Variants in PLPP4 observed in about 807,000 individuals in gnomAD.
The protein encoded by PLPP4 is phospholipid phosphatase 4, also known as diacylglycerol pyrophosphate like 2.
In PLPP4, 20 loss-of-function variants were observed where a neutral mutation model predicts 32.2. The observed-to-expected ratio is 0.62, with a 90% CI of 0.44 to 0.90. PLPP4 has a LOEUF of 0.90. Ranked by LOEUF, PLPP4 falls within the 40% of genes least tolerant of loss-of-function variation. The pLI, the probability that PLPP4 is intolerant of heterozygous loss-of-function variation, is 0.00. For synonymous variants in PLPP4, 127 were observed against 133.0 expected (o/e 0.95, Z 0.31); for missense variants, 257 against 353.1 (o/e 0.73, Z 2.18).
chr10:120,554,679 C>G (rs1848067637), intron 5 of PLPP4, among the ~76,000 whole-genome samples: 2 of 151,934 alleles, frequency 1.3e-5, no homozygotes, highest in Non-Finnish European at 2.9e-5. Context: ...GGGGAGGTCT[C>G]AGGAAACTTA....
intron 2 of PLPP4, among the ~76,000 whole-genome samples, chr10:120,512,093 CA>C (rs932984447): frequency 6.4e-5 from 9 of 140,152 alleles, no homozygotes; most frequent in East Asian, 6.2e-4. Context: ...GACTCCGTCT[CA>C]AAAAAAAAAC....
At chr10:120,551,822 T>G (rs1183389824) in intron 5 of PLPP4, among the ~76,000 whole-genome samples, 1 of 152,208 alleles carries the variant, frequency 6.6e-6, no homozygotes, top group Non-Finnish European at 1.5e-5. Context: ...TTATGCACCT[T>G]GGACACTCCT....
At position 120,589,870 on chromosome 10, in the gene PLPP4, C is replaced by T. The variant is rs976212298; in HGVS notation, c.*368C>T. ...GGAAGACTTGGTGTTGGCCACCCAG[C>T]GCAACAAGTCATTTGGAGATGCAGC... On this transcript the variant is annotated 3_prime_UTR_variant, in exon 7 of 7. Transcript: ENST00000398250. 3.1e-5 allele frequency: 6 copies of T among 191,386 alleles called. No individual in the cohort carries two copies. Among genetic ancestry groups the T allele is most frequent in the African/African-American group, 9.4e-5 (4 of 42,764 alleles). 11.9% of individuals were successfully genotyped at this position (191,386 alleles called of 1,614,324 possible).
At chr10:120,507,943 T>C (rs1428938594) in intron 2 of PLPP4, among the ~76,000 whole-genome samples, 1 of 152,204 alleles carries the variant, frequency 6.6e-6, no homozygotes. Context: ...CCTTGAGGAA[T>C]AGGTAAGACT....
chr10:120,512,614 G>A (rs1176423542), intron 2 of PLPP4, among the ~76,000 whole-genome samples: 4 of 152,056 alleles, frequency 2.6e-5, no homozygotes, highest in Non-Finnish European at 1.5e-5. Context: ...TATAAAAGAA[G>A]AGCTCTTGGC....
chr10:120,544,187 A>G (rs897209908), intron 5 of PLPP4, among the ~76,000 whole-genome samples: 1 of 152,212 alleles, frequency 6.6e-6, no homozygotes, highest in East Asian at 1.9e-4. Context: ...TTGAGGAACC[A>G]CTATACTGCT....
chr10:120,488,137 G>A (rs571499753), intron 1 of PLPP4, among the ~76,000 whole-genome samples: 193 of 152,294 alleles, frequency 1.3e-3, no homozygotes, highest in African/African-American at 4.5e-3. Flanking sequence ...AGGAGCTTGG[G>A]GAAAAGAATG....
intron 1 of PLPP4, among the ~76,000 whole-genome samples, chr10:120,500,707 C>A (rs539175702): frequency 6.6e-6 from 1 of 151,970 alleles, no homozygotes; most frequent in Admixed American, 6.6e-5. Context: ...GGTTCCAGAT[C>A]CTTTATTTTC....
intron 1 of PLPP4, among the ~76,000 whole-genome samples, chr10:120,494,494 G>T (rs369000750): frequency 6.6e-6 from 1 of 152,192 alleles, no homozygotes; most frequent in African/African-American, 2.4e-5. Context: ...CATGACTCCC[G>T]GCTCTGCCTT....
At chr10:120,563,628 GTCT>G in intron 5 of PLPP4, among the ~76,000 whole-genome samples, 1 of 148,512 alleles carries the variant, frequency 6.7e-6, no homozygotes, top group Non-Finnish European at 1.5e-5. Context: ...GTGAAACCCC[GTCT>G]CTACTAAAAA....
At chr10:120,556,715 G>A (rs552195298) in intron 5 of PLPP4, among the ~76,000 whole-genome samples, 3 of 152,232 alleles carry the variant, frequency 2.0e-5, no homozygotes, top group Admixed American at 6.5e-5. Flanking sequence ...ATGGATATTC[G>A]TATTGATCCC....
At chr10:120,475,390 T>C (rs1174402508) in intron 1 of PLPP4, among the ~76,000 whole-genome samples, 3 of 152,210 alleles carry the variant, frequency 2.0e-5, no homozygotes, top group African/African-American at 7.2e-5. Flanking sequence ...CCTCCCTTCG[T>C]AATAATGGGT....
At chr10:120,471,818 G>C (rs1848529779) in intron 1 of PLPP4, among the ~76,000 whole-genome samples, 1 of 151,644 alleles carries the variant, frequency 6.6e-6, no homozygotes, top group Non-Finnish European at 1.5e-5. Flanking sequence ...CTCTTTTTCT[G>C]TCTTCTTTTA....
At chr10:120,486,561 C>T (rs1273413806) in intron 1 of PLPP4, among the ~76,000 whole-genome samples, 1 of 152,214 alleles carries the variant, frequency 6.6e-6, no homozygotes, top group Non-Finnish European at 1.5e-5. Context: ...GTGCTCAGAA[C>T]TGCGTGTGAC....
chr10:120,564,508 T>A (rs1848596361), intron 5 of PLPP4, among the ~76,000 whole-genome samples: 2 of 151,898 alleles, frequency 1.3e-5, no homozygotes, highest in African/African-American at 4.8e-5. Context: ...ATCTTATATG[T>A]CCTATCTAAT....
intron 5 of PLPP4, among the ~76,000 whole-genome samples, chr10:120,531,325 C>A (rs975967717): frequency 6.6e-6 from 1 of 151,922 alleles, no homozygotes; most frequent in Non-Finnish European, 1.5e-5. Flanking sequence ...AGGATAGTCT[C>A]GATCTCTTGA....
chr10:120,506,891 C>G (rs1218721501), intron 2 of PLPP4, among the ~76,000 whole-genome samples: 1 of 152,194 alleles, frequency 6.6e-6, no homozygotes, highest in Non-Finnish European at 1.5e-5. Flanking sequence ...ACCCAGTGTT[C>G]CTGTTGACCA....
chr10:120,515,535 C>G (rs553594405), intron 3 of PLPP4, among the ~76,000 whole-genome samples: 1 of 152,344 alleles, frequency 6.6e-6, no homozygotes, highest in South Asian at 2.1e-4. Flanking sequence ...AGCCTGGACA[C>G]AAAAGCCATG....
intron 1 of PLPP4, among the ~76,000 whole-genome samples, chr10:120,485,952 T>A (rs1018470979): frequency 6.6e-6 from 1 of 152,192 alleles, no homozygotes; most frequent in Non-Finnish European, 1.5e-5. Flanking sequence ...CACCAACTGC[T>A]GCACGATATT....
Sources: gnomAD v4.1 joint callset for allele counts (sites outside exome capture counted in the v4.1 genomes callset) on GRCh38, gnomAD v4.1.1 for gene constraint, MANE v1.5 for transcripts, NCBI Gene and HGNC (gene_info 2026-07-23, HGNC 2026-07-21) for gene names.